The following MGAT4C variants were observed in gnomAD, a reference collection of about 807,000 sequenced individuals.
MGAT4C encodes the protein alpha-1,3-mannosyl-glycoprotein 4-beta-N-acetylglucosaminyltransferase C.
Under a neutral mutation model 40.1 loss-of-function variants are expected in MGAT4C, and 19 were observed. The observed-to-expected ratio is 0.47, with a 90% confidence interval of 0.33 to 0.70. MGAT4C has a LOEUF of 0.70. Ranked by LOEUF, MGAT4C falls within the 30% of genes least tolerant of loss-of-function variation. The probability of loss-of-function intolerance (pLI) is 0.02; values close to 1 mark genes in which losing one functional copy is unlikely to be tolerated. For missense variants in MGAT4C, 491 were observed against 563.2 expected, an observed-to-expected ratio of 0.87 and a Z score of 1.30; for synonymous variants, 181 against 187.1, an observed-to-expected ratio of 0.97 and a Z score of 0.27.
At chr12:86,655,183 CCT>C (rs1201112953) in intron 2 of MGAT4C, among the ~76,000 whole-genome samples, 2 of 152,044 alleles carry the variant, frequency 1.3e-5, no homozygotes, top group Middle Eastern at 3.4e-3. Flanking sequence ...TGTCCCTCCC[CCT>C]GTCCCCCAGC....
intron 3 of MGAT4C, among the ~76,000 whole-genome samples, chr12:86,343,025 G>C (rs1283816614): frequency 6.6e-6 from 1 of 152,088 alleles, no homozygotes; most frequent in Non-Finnish European, 1.5e-5. Flanking sequence ...ATGAGATTGA[G>C]ATAGAAAGCT....
At chr12:86,470,494 C>T (rs1403544646) in intron 2 of MGAT4C, among the ~76,000 whole-genome samples, 2 of 152,090 alleles carry the variant, frequency 1.3e-5, no homozygotes, top group Non-Finnish European at 2.9e-5. Context: ...TCATTCAACC[C>T]ACAGAAGACT....
intron 3 of MGAT4C, among the ~76,000 whole-genome samples, chr12:86,392,679 C>T (rs573485889): frequency 2.6e-5 from 4 of 152,212 alleles, no homozygotes; most frequent in South Asian, 2.1e-4. Flanking sequence ...ATCTGCAAAA[C>T]GGTGTTGGGA....
chr12:86,151,610 A>AC (rs1884294786), intron 1 of MGAT4C, among the ~76,000 whole-genome samples: 1 of 152,156 alleles, frequency 6.6e-6, no homozygotes, highest in Admixed American at 6.5e-5. Context: ...AGAAAAAAAA[A>AC]AATGGACACT....
chr12:86,613,699 C>A (rs949053257), intron 2 of MGAT4C, among the ~76,000 whole-genome samples: 14 of 151,870 alleles, frequency 9.2e-5, no homozygotes, highest in African/African-American at 3.1e-4. Flanking sequence ...GAGGAATAAA[C>A]CAAAATATAT....
intron 1 of MGAT4C, among the ~76,000 whole-genome samples, chr12:86,748,755 T>A (rs1951190669): frequency 6.6e-6 from 1 of 151,468 alleles, no homozygotes; most frequent in Admixed American, 6.6e-5. Context: ...TAGAGTTGGA[T>A]TTTTTTTAAA....
intron 1 of MGAT4C, among the ~76,000 whole-genome samples, chr12:86,797,442 A>G (rs1242931438): frequency 6.6e-6 from 1 of 151,756 alleles, no homozygotes; most frequent in Non-Finnish European, 1.5e-5. Flanking sequence ...CCACATGACT[A>G]TATATAAACA....
At chr12:86,632,548 A>G (rs967826943) in intron 2 of MGAT4C, among the ~76,000 whole-genome samples, 4 of 152,168 alleles carry the variant, frequency 2.6e-5, no homozygotes, top group African/African-American at 4.8e-5. Context: ...AAATGGGCAC[A>G]TATATACACT....
chr12:86,349,242 G>A (rs1955106335), intron 3 of MGAT4C, among the ~76,000 whole-genome samples: 1 of 152,092 alleles, frequency 6.6e-6, no homozygotes, highest in African/African-American at 2.4e-5. Flanking sequence ...AATTTATCTT[G>A]CTCAGAGAAG....
intron 1 of MGAT4C, among the ~76,000 whole-genome samples, chr12:86,759,775 T>C (rs1369113943): frequency 1.3e-5 from 2 of 152,146 alleles, no homozygotes; most frequent in African/African-American, 4.8e-5. Flanking sequence ...TCCTTATATA[T>C]TGAATGTTAA....
intron 3 of MGAT4C, among the ~76,000 whole-genome samples, chr12:85,983,927 T>C (rs1440950875): frequency 6.6e-6 from 1 of 152,158 alleles, no homozygotes; most frequent in Non-Finnish European, 1.5e-5. Flanking sequence ...TAGGACACAT[T>C]AATAATGATA....
intron 1 of MGAT4C, among the ~76,000 whole-genome samples, chr12:86,152,152 C>A (rs1404573347): frequency 1.3e-5 from 2 of 152,220 alleles, no homozygotes; most frequent in African/African-American, 2.4e-5. Flanking sequence ...TGTAATTTTT[C>A]CTCAGGCTTT....
chr12:86,720,408 C>A (rs916965119), intron 2 of MGAT4C, among the ~76,000 whole-genome samples: 1 of 152,166 alleles, frequency 6.6e-6, no homozygotes, highest in African/African-American at 2.4e-5. Context: ...ACAGACTTGA[C>A]CTCCTAATGG....
intron 1 of MGAT4C, among the ~76,000 whole-genome samples, chr12:86,218,122 G>GA (rs923136987): frequency 1.1e-4 from 16 of 148,610 alleles, no homozygotes; most frequent in South Asian, 2.1e-4. Context: ...TAGGTCATTG[G>GA]AAAAAAAAAG....
chr12:86,554,672 G>T (rs1204943976), intron 2 of MGAT4C, among the ~76,000 whole-genome samples: 2 of 152,172 alleles, frequency 1.3e-5, no homozygotes, highest in East Asian at 3.8e-4. Flanking sequence ...CATATCACTA[G>T]ACTCATTTTC....
intron 1 of MGAT4C, among the ~76,000 whole-genome samples, chr12:86,230,950 C>T (rs547977509): frequency 6.6e-6 from 1 of 151,932 alleles, no homozygotes; most frequent in African/African-American, 2.4e-5. Context: ...AGTTCATCCC[C>T]TCCCTCACTG....
Position 85,970,450 on chromosome 12 carries a change from A to G in MGAT4C, c.*8839T>C, listed in dbSNP as rs1478691129. 1 of 151,300 alleles carries G rather than the reference A, an allele frequency of 6.6e-6. No individual in the cohort carries two copies. The highest frequency in any genetic ancestry group is 2.4e-5 in the African/African-American group (1 of 41,378). 9.4% of individuals were successfully genotyped at this position (151,300 alleles called of 1,614,324 possible). A position where few individuals can be genotyped will look rare whatever the true frequency, so the allele number is the denominator to read the frequency against. ...AAACTGTTAAATTGATTATGAACGT[A>G]GGCACATTACTTATAAATCCCCTTA... On this transcript the variant is annotated 3_prime_UTR_variant, in exon 5 of 5. Coordinates refer to ENST00000611864, the MANE Select transcript of MGAT4C (RefSeq NM_001351288.2).
At chr12:86,431,049 G>A (rs779425902) in intron 3 of MGAT4C, among the ~76,000 whole-genome samples, 53 of 152,176 alleles carry the variant, frequency 3.5e-4, no homozygotes, top group Non-Finnish European at 6.3e-4. Context: ...AAAAAGGGAG[G>A]AGATTGGCAT....
At chr12:86,454,955 AG>A (rs1957487149) in intron 2 of MGAT4C, among the ~76,000 whole-genome samples, 1 of 152,118 alleles carries the variant, frequency 6.6e-6, no homozygotes, top group Non-Finnish European at 1.5e-5. Context: ...ACATATTACT[AG>A]ATGAATTAAT....
Sources: gnomAD v4.1 joint callset for allele counts (sites outside exome capture counted in the v4.1 genomes callset) on GRCh38, gnomAD v4.1.1 for gene constraint, MANE v1.5 for transcripts, NCBI Gene and HGNC (gene_info 2026-07-23, HGNC 2026-07-21) for gene names.